Variants in ADAM17 observed in about 807,000 individuals in gnomAD.
ADAM17 encodes the protein ADAM metallopeptidase domain 17.
A neutral mutation model predicts 96.7 loss-of-function variants in ADAM17; 39 were observed. That is an observed-to-expected ratio of 0.40 (90% confidence interval 0.31 to 0.53). The LOEUF is 0.53. ADAM17 is among the 20% of genes least tolerant of loss of function. ADAM17 has a pLI of 0.44. For synonymous variants in ADAM17, 344 were observed against 359.2 expected (o/e 0.96, Z 0.48); for missense variants, 777 against 1,013.2 (o/e 0.77, Z 3.17).
intron 6 of ADAM17, 107 bp downstream of exon 6, chr2:9,526,004 T>G: frequency 1.8e-6 from 2 of 1,087,948 alleles, no homozygotes; most frequent in Non-Finnish European, 2.5e-6. Flanking sequence ...TCAAATATTT[T>G]AGGGAAATAA....
At chr2:9,549,735 T>A (rs1288479684) in intron 1 of ADAM17, among the ~76,000 whole-genome samples, 1 of 152,132 alleles carries the variant, frequency 6.6e-6, no homozygotes, top group Non-Finnish European at 1.5e-5. Flanking sequence ...CCCAGCCTGG[T>A]CTCAAACTCC....
At chr2:9,534,723 T>G (rs34137501) in intron 4 of ADAM17, among the ~76,000 whole-genome samples, 34,892 of 152,066 alleles carry the variant, frequency 0.23, 4,772 homozygotes, top group Middle Eastern at 0.32. Context: ...AAAAAAAAAT[T>G]TGGAAGGATG....
In ADAM17 at chr2:9,522,354, G is replaced by T; in HGVS notation, c.843+895C>A. 3 of 533,900 alleles carry T rather than the reference G, an allele frequency of 5.6e-6. No homozygotes were observed. In the South Asian group the frequency reaches 8.1e-5, roughly 14 times the overall value. 33.1% of individuals were successfully genotyped at this position (533,900 alleles called of 1,614,324 possible). On this transcript the variant is annotated intron_variant, in intron 7 of 18. Transcript: ENST00000310823. ...GTGACATGAATGTCTTTGGGGAAAG[G>T]AACTGGTTTGACAATAAACAGGCTG...
At chr2:9,501,672 G>A (rs1169150946) in intron 13 of ADAM17, among the ~76,000 whole-genome samples, 1 of 152,116 alleles carries the variant, frequency 6.6e-6, no homozygotes, top group African/African-American at 2.4e-5. Context: ...CACTATTCCA[G>A]TGCATAGATT....
chr2:9,511,158 A>C (rs1663711789), intron 10 of ADAM17, among the ~76,000 whole-genome samples: 2 of 152,206 alleles, frequency 1.3e-5, no homozygotes, highest in African/African-American at 4.8e-5. Flanking sequence ...GGGGTAAAAA[A>C]AACAGTACGG....
chr2:9,513,328 C>T (rs2125012377), intron 10 of ADAM17, among the ~76,000 whole-genome samples: 1 of 152,258 alleles, frequency 6.6e-6, no homozygotes, highest in Non-Finnish European at 1.5e-5. Flanking sequence ...ATGTAATAAA[C>T]CCATAAACTA....
At chr2:9,507,347 CA>C (rs1311646356) in intron 11 of ADAM17, among the ~76,000 whole-genome samples, 1 of 151,968 alleles carries the variant, frequency 6.6e-6, no homozygotes, top group Non-Finnish European at 1.5e-5. Flanking sequence ...ACTAAAACTA[CA>C]AAAATTGGCC....
rs2124996327 is a variant in ADAM17 at position 9,504,140 on chromosome 2, G to C, written c.1544+1026C>G. Reference sequence around the variant, plus strand: ...CACTCCATCTTGGGCAACAGACTGAGACCCTGTCTCAAAAAGAAAATAAAG... The same window carrying C: ...CACTCCATCTTGGGCAACAGACTGACACCCTGTCTCAAAAAGAAAATAAAG... On this transcript the variant is annotated intron_variant, in intron 12 of 18. Coordinates refer to ENST00000310823, the MANE Select transcript of ADAM17 (RefSeq NM_003183.6). Among the ~76,000 whole-genome samples, 2 of 151,788 alleles carry C rather than the reference G, an allele frequency of 1.3e-5. 1 individual carries two copies. The highest frequency in any genetic ancestry group is 1.3e-4 in the Admixed American group (2 of 15,238).
chr2:9,488,640 TTTCACTCA>T lies in ADAM17; in HGVS notation c.*1529_*1536del, dbSNP rs1404640873. On this transcript the variant is annotated 3_prime_UTR_variant, in exon 19 of 19. Coordinates refer to ENST00000310823, the MANE Select transcript of ADAM17 (RefSeq NM_003183.6). ...TTTTCTTACATTCTTTTGAGAACTG[TTTCACTCA>T]TACATACACCCACACACCCCACTCA... is the stretch of plus-strand genomic sequence containing the variant. 4 of 198,948 alleles carry T rather than the reference TTTCACTCA, an allele frequency of 2.0e-5. No individual in the cohort carries two copies. Among genetic ancestry groups the T allele is most frequent in the African/African-American group, 4.6e-5 (2 of 43,122 alleles). 12.3% of individuals were successfully genotyped at this position (198,948 alleles called of 1,614,324 possible). A position where few individuals can be genotyped will look rare whatever the true frequency, so the allele number is the denominator to read the frequency against.
At chr2:9,490,553 TAAAAGA>T in intron 18 of ADAM17, 35 bp from the exon 19 acceptor site, 1 of 1,575,424 alleles carries the variant, frequency 6.3e-7, no homozygotes, top group South Asian at 1.2e-5. Flanking sequence ...TTGATAGGAA[TAAAAGA>T]TGAATCGGAG....
intron 2 of ADAM17, among the ~76,000 whole-genome samples, chr2:9,541,760 C>T (rs1310600198): frequency 6.6e-6 from 1 of 152,092 alleles, no homozygotes; most frequent in African/African-American, 2.4e-5. Flanking sequence ...ATAAAGATGG[C>T]CAGATGCAGT....
chr2:9,522,363 T>C, intron 7 of ADAM17: 1 of 546,714 alleles, frequency 1.8e-6, no homozygotes, highest in Non-Finnish European at 3.4e-6. Context: ...GGAACTGGTT[T>C]GACAATAAAC....
At chr2:9,538,897 A>G (rs1665093290) in intron 2 of ADAM17, among the ~76,000 whole-genome samples, 1 of 152,202 alleles carries the variant, frequency 6.6e-6, no homozygotes, top group Non-Finnish European at 1.5e-5. Flanking sequence ...TTGAATTAAC[A>G]TTATTACCCT....
chr2:9,538,508 A>G (rs1171521826), intron 2 of ADAM17, among the ~76,000 whole-genome samples: 1 of 152,206 alleles, frequency 6.6e-6, no homozygotes, highest in Non-Finnish European at 1.5e-5. Flanking sequence ...ACACATTCTC[A>G]GTTATGATTT....
intron 13 of ADAM17, among the ~76,000 whole-genome samples, chr2:9,497,843 A>G (rs1282507333): frequency 6.6e-6 from 1 of 151,912 alleles, no homozygotes; most frequent in Non-Finnish European, 1.5e-5. Context: ...ATTATGCACT[A>G]TCACACTCCT....
At position 9,494,112 on chromosome 2, in the gene ADAM17, A is replaced by G. The variant is rs77541241; in HGVS notation, c.1915-287T>C. 3.0e-3 allele frequency among the ~76,000 whole-genome samples: 452 copies of G among 152,326 alleles called. 2 individuals carry two copies. The highest frequency in any genetic ancestry group is 0.011 in the African/African-American group (439 of 41,570). ...GATGAGGCATTCCAGTAAGGACTCT[A>G]CACATACACAGTGGACAGTGAACAA... is the stretch of plus-strand genomic sequence containing the variant. On this transcript the variant is annotated intron_variant, in intron 15 of 18. Coordinates refer to ENST00000310823, the MANE Select transcript of ADAM17 (RefSeq NM_003183.6).
At chr2:9,516,790 A>G (rs1270229443) in intron 10 of ADAM17, among the ~76,000 whole-genome samples, 1 of 152,128 alleles carries the variant, frequency 6.6e-6, no homozygotes, top group Non-Finnish European at 1.5e-5. Flanking sequence ...AAAAATCAGT[A>G]TATCAGATAC....
rs373462756 is a variant in ADAM17 at position 9,523,231 on chromosome 2, A to G, written c.843+18T>C. The G allele has an allele frequency of 3.3e-5, 52 of 1,553,046 alleles. No individual in the cohort carries two copies. Among genetic ancestry groups the G allele is most frequent in the African/African-American group, 1.1e-4 (8 of 73,176 alleles). ...TTACAAAACTTAAGTAATATAAGCCATATCTATTGATAAATACCTGCTCTA... is the reference window on the plus strand; with the variant it reads ...TTACAAAACTTAAGTAATATAAGCCGTATCTATTGATAAATACCTGCTCTA... On this transcript the variant is annotated intron_variant, in intron 7 of 18. Coordinates refer to ENST00000310823, the MANE Select transcript of ADAM17 (RefSeq NM_003183.6).
intron 7 of ADAM17, chr2:9,521,918 G>A (rs1664331554): frequency 6.6e-6 from 1 of 150,540 alleles, no homozygotes; most frequent in Admixed American, 6.6e-5. Flanking sequence ...AAGTTTACTG[G>A]GGTGGACTCT....
Sources: gnomAD v4.1 joint callset for allele counts (sites outside exome capture counted in the v4.1 genomes callset) on GRCh38, gnomAD v4.1.1 for gene constraint, MANE v1.5 for transcripts, NCBI Gene and HGNC (gene_info 2026-07-23, HGNC 2026-07-21) for gene names.